The following FAM107B variants were observed in gnomAD, a reference collection of about 807,000 sequenced individuals.
The protein encoded by FAM107B is family with sequence similarity 107 member B, also known as protein FAM107B.
FAM107B carries 21 observed loss-of-function variants against 31.5 expected under a neutral mutation model. The ratio of observed to expected loss-of-function variants is 0.67; its 90% CI spans 0.47 to 0.96. The LOEUF (loss-of-function observed/expected upper bound fraction) is 0.96, where lower values mean the gene tolerates loss of function less well. Ranked by LOEUF, FAM107B falls within the 40% of genes least tolerant of loss-of-function variation. The probability of loss-of-function intolerance (pLI) is 0.00; values close to 1 mark genes in which losing one functional copy is unlikely to be tolerated. For synonymous variants in FAM107B, 157 were observed against 141.5 expected (o/e 1.11, Z -0.78); for missense variants, 452 against 377.1 (o/e 1.20, Z -1.64).
intron 1 of FAM107B, among the ~76,000 whole-genome samples, chr10:14,760,623 G>A (rs1183387002): frequency 6.7e-6 from 1 of 149,936 alleles, no homozygotes. Context: ...TTAGCTTTAC[G>A]ATCCATCTGG....
At chr10:14,739,490 T>C (rs1484222491) in intron 1 of FAM107B, among the ~76,000 whole-genome samples, 2 of 152,170 alleles carry the variant, frequency 1.3e-5, no homozygotes, top group East Asian at 3.9e-4. Context: ...TAACAGCACG[T>C]TGGGGAAACT....
At chr10:14,726,577 C>T (rs1405132106) in intron 1 of FAM107B, among the ~76,000 whole-genome samples, 2 of 152,134 alleles carry the variant, frequency 1.3e-5, no homozygotes, top group Non-Finnish European at 2.9e-5. Context: ...GTCATGCTTC[C>T]CCCTGGAAGC....
chr10:14,722,785 G>A (rs760289306), intron 1 of FAM107B, among the ~76,000 whole-genome samples: 7 of 151,954 alleles, frequency 4.6e-5, no homozygotes, highest in Non-Finnish European at 1.0e-4. Context: ...TTTCTTGATG[G>A]AGCCTTTTGA....
In FAM107B at chr10:14,628,018, G is replaced by A. The variant is rs565076961; in HGVS notation, c.469+39616C>T. ...GTATAAGCCACAATTATTATAAAAA[G>A]GTCAATACAGCAGTCTATTCGTGAG... On this transcript the variant is annotated intron_variant, in intron 2 of 4. Transcript: ENST00000181796. Among the ~76,000 whole-genome samples, 11 of 151,962 alleles carry A rather than the reference G, an allele frequency of 7.2e-5. No homozygotes were observed. In the South Asian group the frequency reaches 2.1e-3, roughly 29 times the overall value.
intron 2 of FAM107B, among the ~76,000 whole-genome samples, chr10:14,568,594 C>T (rs1446529905): frequency 6.7e-6 from 1 of 150,336 alleles, no homozygotes; most frequent in African/African-American, 2.4e-5. Flanking sequence ...CAGGGTTAGA[C>T]CAGGAGGTGA....
intron 2 of FAM107B, among the ~76,000 whole-genome samples, chr10:14,619,724 A>AC (rs1253297080): frequency 9.3e-5 from 14 of 151,334 alleles, no homozygotes; most frequent in Admixed American, 9.2e-4. Flanking sequence ...AAAAAAAAAA[A>AC]AAAAAAACCT....
intron 1 of FAM107B, among the ~76,000 whole-genome samples, chr10:14,670,041 T>C (rs1448754730): frequency 6.6e-6 from 1 of 152,228 alleles, no homozygotes; most frequent in Non-Finnish European, 1.5e-5. Context: ...AAGTACCCCA[T>C]GAATATGTAA....
chr10:14,545,673 T>C (rs990888693), intron 2 of FAM107B, among the ~76,000 whole-genome samples: 4 of 152,244 alleles, frequency 2.6e-5, no homozygotes, highest in Admixed American at 6.5e-5. Flanking sequence ...GATTGACTTC[T>C]TTTCCTTTTT....
At chr10:14,740,001 G>A (rs1186117935) in intron 1 of FAM107B, among the ~76,000 whole-genome samples, 2 of 152,204 alleles carry the variant, frequency 1.3e-5, no homozygotes. Flanking sequence ...CAACAGGAAT[G>A]CTCATTCACT....
rs1392548732 is a variant in FAM107B at position 14,774,300 on chromosome 10, C to A, written c.364G>T (p.Val122Leu). 4 of 1,613,942 alleles carry A rather than the reference C, an allele frequency of 2.5e-6. No individual in the cohort carries two copies. In the Admixed American group the frequency reaches 6.7e-5, roughly 27 times the overall value. Residue 122 changes from valine (V) to leucine (L), a missense_variant, in exon 1 of 5, where the codon GTG becomes TTG. Coordinates refer to ENST00000181796, the MANE Select transcript of FAM107B (RefSeq NM_031453.4). ...GGTCTGGGGATGGAAGCGTGAAACA[C>A]CACTGCTTCACAGTCCGCCCCATCA... ...LDDGADCEAV[V>L]FHASIPRPSI...
In FAM107B at chr10:14,647,939, C is replaced by T. The variant is rs897242741; in HGVS notation, c.469+19695G>A. ...GAGATGCTGACACAGTTAAGGAAGG[C>T]AGAATTTGTTAAGTCTTCTGCGGAG... On this transcript the variant is annotated intron_variant, in intron 2 of 4. Coordinates refer to ENST00000181796, the MANE Select transcript of FAM107B (RefSeq NM_031453.4). 2.0e-5 allele frequency among the ~76,000 whole-genome samples: 3 copies of T among 148,420 alleles called. No individual in the cohort carries two copies. In the East Asian group the frequency reaches 5.9e-4, roughly 29 times the overall value.
intron 2 of FAM107B, among the ~76,000 whole-genome samples, chr10:14,611,045 C>T (rs1388176603): frequency 6.6e-6 from 1 of 152,170 alleles, no homozygotes; most frequent in Non-Finnish European, 1.5e-5. Flanking sequence ...AGAGAAACAG[C>T]TGTTACTCAC....
intron 2 of FAM107B, among the ~76,000 whole-genome samples, chr10:14,554,819 C>T (rs773518878): frequency 5.3e-5 from 8 of 152,288 alleles, no homozygotes; most frequent in Middle Eastern, 3.4e-3. Flanking sequence ...GCAGAAGCAG[C>T]GATGGGTGGT....
At chr10:14,717,510 C>T (rs933215047) in intron 1 of FAM107B, among the ~76,000 whole-genome samples, 5 of 152,178 alleles carry the variant, frequency 3.3e-5, no homozygotes, top group African/African-American at 1.2e-4. Context: ...GAGCAAGACC[C>T]AGAGTCCAAA....
At chr10:14,767,019 T>TGTAC in intron 1 of FAM107B, among the ~76,000 whole-genome samples, 1 of 45,168 alleles carries the variant, frequency 2.2e-5, no homozygotes, top group African/African-American at 1.1e-4. Flanking sequence ...ATCCCTGATG[T>TGTAC]GTATGTATAT....
chr10:14,737,572 C>T (rs1856330009), intron 1 of FAM107B, among the ~76,000 whole-genome samples: 1 of 152,072 alleles, frequency 6.6e-6, no homozygotes, highest in African/African-American at 2.4e-5. Context: ...TGGGATCATG[C>T]CACCACACTC....
intron 2 of FAM107B, among the ~76,000 whole-genome samples, chr10:14,652,522 G>C (rs576519516): frequency 2.0e-5 from 3 of 152,190 alleles, no homozygotes; most frequent in Non-Finnish European, 4.4e-5. Flanking sequence ...AACTTTTAAA[G>C]CTTGAGTTTT....
intron 1 of FAM107B, among the ~76,000 whole-genome samples, chr10:14,735,902 C>T (rs1856289315): frequency 6.6e-6 from 1 of 152,106 alleles, no homozygotes. Context: ...CTCTACAGTA[C>T]TAAAATGTCC....
intron 1 of FAM107B, among the ~76,000 whole-genome samples, chr10:14,695,131 A>G (rs1855234630): frequency 6.6e-6 from 1 of 152,144 alleles, no homozygotes; most frequent in Admixed American, 6.5e-5. Flanking sequence ...TTACAGTTCC[A>G]GGTCTTATGT....
Sources: gnomAD v4.1 joint callset for allele counts (sites outside exome capture counted in the v4.1 genomes callset) on GRCh38, gnomAD v4.1.1 for gene constraint, MANE v1.5 for transcripts, NCBI Gene and HGNC (gene_info 2026-07-23, HGNC 2026-07-21) for gene names.